Variants in GABRA4 observed in about 807,000 individuals in gnomAD.
GABRA4 encodes gamma-aminobutyric acid receptor subunit alpha-4.
In GABRA4, 12 loss-of-function variants were observed where a neutral mutation model predicts 49.7. The ratio of observed to expected loss-of-function variants is 0.24; its 90% confidence interval spans 0.15 to 0.39. The LOEUF is 0.39. Among genes scored for constraint, GABRA4 ranks in the 10% least tolerant of loss-of-function variants. The probability of loss-of-function intolerance (pLI) is 1.00; values close to 1 mark genes in which losing one functional copy is unlikely to be tolerated. For missense variants in GABRA4, 506 were observed against 686.0 expected, an observed-to-expected ratio of 0.74 and a Z score of 2.93; for synonymous variants, 288 against 240.2, an observed-to-expected ratio of 1.20 and a Z score of -1.84.
At chr4:46,966,339 T>C (rs1003164867) in intron 7 of GABRA4, among the ~76,000 whole-genome samples, 10 of 151,656 alleles carry the variant, frequency 6.6e-5, no homozygotes, top group African/African-American at 2.4e-4. Flanking sequence ...AAACTGCATA[T>C]TGTAATCCAT....
rs544577575 is a variant in GABRA4 at position 46,919,635 on chromosome 4, A to T, written c.*8590T>A. The T allele has an allele frequency of 1.2e-4, 18 of 151,738 alleles. No homozygotes were observed. In the South Asian group the frequency reaches 3.7e-3, roughly 32 times the overall value. The allele number at this position is 151,738 out of a possible 1,614,324, so 9.4% of individuals were successfully genotyped here. A position where few individuals can be genotyped will look rare whatever the true frequency, so the allele number is the denominator to read the frequency against. On this transcript the variant is annotated 3_prime_UTR_variant, in exon 9 of 9. Coordinates refer to ENST00000264318, the MANE Select transcript of GABRA4 (RefSeq NM_000809.4). ...AATAAGGAATATTTTCAATTGTACA[A>T]CTAAACAAACAATTTTAAAATTATT... is the stretch of plus-strand genomic sequence containing the variant.
intron 2 of GABRA4, among the ~76,000 whole-genome samples, chr4:46,992,321 A>G (rs1463501708): frequency 6.6e-6 from 1 of 152,222 alleles, no homozygotes; most frequent in Non-Finnish European, 1.5e-5. Flanking sequence ...GCTGTAGAAG[A>G]GAAAAGGAAA....
At chr4:46,954,470 T>A (rs1191439723) in intron 8 of GABRA4, among the ~76,000 whole-genome samples, 1 of 150,308 alleles carries the variant, frequency 6.7e-6, no homozygotes, top group Non-Finnish European at 1.5e-5. Flanking sequence ...GGCAGAAGAA[T>A]CACTTGAATC....
At chr4:46,965,614 A>C (rs565701068) in intron 7 of GABRA4, among the ~76,000 whole-genome samples, 1 of 150,974 alleles carries the variant, frequency 6.6e-6, no homozygotes, top group African/African-American at 2.5e-5. Context: ...GACTCAACAG[A>C]CACACACCTC....
chr4:46,966,099 A>C (rs1281235978), intron 7 of GABRA4, among the ~76,000 whole-genome samples: 1 of 151,770 alleles, frequency 6.6e-6, no homozygotes, highest in African/African-American at 2.4e-5. Flanking sequence ...GGTACTATAG[A>C]GTAACACATT....
intron 8 of GABRA4, among the ~76,000 whole-genome samples, chr4:46,943,684 A>G (rs553616959): frequency 8.5e-5 from 13 of 152,206 alleles, no homozygotes; most frequent in Non-Finnish European, 1.3e-4. Flanking sequence ...GGCTATCAGC[A>G]TCTGGTCCAT....
At chr4:46,989,741 T>G (rs1434169460) in intron 2 of GABRA4, among the ~76,000 whole-genome samples, 1 of 152,218 alleles carries the variant, frequency 6.6e-6, no homozygotes, top group Non-Finnish European at 1.5e-5. Context: ...CAAAGTTGTA[T>G]AAACAGATAT....
rs1381433289 is a variant in GABRA4, at chr4:46,965,227, T to C, written c.877A>G (p.Ile293Val). 6.8e-7 allele frequency: 1 copy of C among 1,461,448 alleles called. No individual in the cohort carries two copies. The allele number at this position is 1,461,448 out of a possible 1,614,324, so 90.5% of individuals were successfully genotyped here. ...ESVPARTVFGITTVLTMTTLS... is the reference protein window; with the variant it reads ...ESVPARTVFGVTTVLTMTTLS... ...GTGGTCATGGTGAGGACAGTTGTTATTCCTTCAAAGCAAAAGAGCAGAGAG... is the reference window on the plus strand; with the variant it reads ...GTGGTCATGGTGAGGACAGTTGTTACTCCTTCAAAGCAAAAGAGCAGAGAG... Residue 293 changes from isoleucine (I) to valine (V), a missense_variant and splice_region_variant, in exon 8 of 9, where the codon ATA becomes GTA. Physicochemically the swap from Ile to Val is conservative, Grantham distance 29. Transcript: ENST00000264318.
chr4:46,960,004 A>G (rs1436329783), intron 8 of GABRA4, among the ~76,000 whole-genome samples: 1 of 151,320 alleles, frequency 6.6e-6, no homozygotes, highest in East Asian at 1.9e-4. Flanking sequence ...TTGTTTTAAA[A>G]CTTAAAGTTA....
intron 8 of GABRA4, among the ~76,000 whole-genome samples, chr4:46,954,140 G>T (rs1193373753): frequency 2.0e-5 from 3 of 152,090 alleles, no homozygotes; most frequent in African/African-American, 2.4e-5. Flanking sequence ...GAGCAGTGTA[G>T]ATTTCTGCTG....
intron 8 of GABRA4, among the ~76,000 whole-genome samples, chr4:46,959,758 C>CAAAAAAAAAAAAAA (rs67861758): frequency 6.0e-5 from 5 of 82,692 alleles, no homozygotes; most frequent in Non-Finnish European, 8.9e-5. Context: ...CATCACTTTG[C>CAAAAAAAAAAAAAA]AAAAAAAAAA....
At chr4:46,979,299 G>A (rs1723266553) in intron 2 of GABRA4, among the ~76,000 whole-genome samples, 1 of 152,002 alleles carries the variant, frequency 6.6e-6, no homozygotes, top group Non-Finnish European at 1.5e-5. Context: ...TTACTTACAG[G>A]CAAAAAGAAA....
At chr4:46,962,120 G>T (rs1722597476) in intron 8 of GABRA4, among the ~76,000 whole-genome samples, 1 of 151,658 alleles carries the variant, frequency 6.6e-6, no homozygotes, top group South Asian at 2.1e-4. Context: ...TTGCTTATTG[G>T]TTTTGTTTTC....
intron 8 of GABRA4, among the ~76,000 whole-genome samples, chr4:46,953,392 C>T (rs1722238831): frequency 6.6e-6 from 1 of 152,020 alleles, no homozygotes; most frequent in African/African-American, 2.4e-5. Context: ...CAAAAACTAC[C>T]TCCTAAACTT....
At chr4:46,964,843 T>C in intron 8 of GABRA4, 127 bp downstream of exon 8, 1 of 1,030,010 alleles carries the variant, frequency 9.7e-7, no homozygotes, top group Non-Finnish European at 1.4e-6. Context: ...ACTTTTATGT[T>C]TTTCTGTATT....
At chr4:46,993,082 G>T (rs1723829266) in intron 1 of GABRA4, 136 bp from the exon 2 acceptor site, 3 of 738,592 alleles carry the variant, frequency 4.1e-6, no homozygotes, top group African/African-American at 3.6e-5. Flanking sequence ...TGGGGGTTGG[G>T]ATGCAGAAGA....
At chr4:46,947,900 C>CA (rs1384296466) in intron 8 of GABRA4, among the ~76,000 whole-genome samples, 1 of 152,054 alleles carries the variant, frequency 6.6e-6, no homozygotes, top group Non-Finnish European at 1.5e-5. Flanking sequence ...AGCATTCACT[C>CA]AGAGTCTCTC....
intron 8 of GABRA4, among the ~76,000 whole-genome samples, chr4:46,952,704 A>G (rs763562292): frequency 1.3e-5 from 2 of 152,098 alleles, no homozygotes; most frequent in Non-Finnish European, 2.9e-5. Context: ...TAGCTTAGGG[A>G]TGAGAACTTG....
chr4:46,949,866 T>C (rs984886788), intron 8 of GABRA4, among the ~76,000 whole-genome samples: 4 of 152,110 alleles, frequency 2.6e-5, no homozygotes, highest in African/African-American at 9.7e-5. Context: ...TTTTTTTTAA[T>C]TAACCAATAA....
Sources: gnomAD v4.1 joint callset for allele counts (sites outside exome capture counted in the v4.1 genomes callset) on GRCh38, gnomAD v4.1.1 for gene constraint, MANE v1.5 for transcripts, NCBI Gene and HGNC (gene_info 2026-07-23, HGNC 2026-07-21) for gene names.